The following DEPDC5 variants were observed in gnomAD, a reference collection of about 807,000 sequenced individuals.
DEPDC5 encodes DEP domain containing 5, GATOR1 subcomplex subunit, also known as GATOR1 complex protein DEPDC5.
DEPDC5 carries 73 observed loss-of-function variants against 217.3 expected under a neutral mutation model. The ratio of observed to expected loss-of-function variants is 0.34; its 90% CI spans 0.28 to 0.41. The LOEUF is 0.41. Ranked by LOEUF, DEPDC5 falls within the 10% of genes least tolerant of loss-of-function variation. The pLI, the probability that DEPDC5 is intolerant of heterozygous loss-of-function variation, is 1.00. For synonymous variants in DEPDC5, 733 were observed against 756.7 expected, an observed-to-expected ratio of 0.97 and a Z score of 0.51; for missense variants, 1,675 against 2,070.1, an observed-to-expected ratio of 0.81 and a Z score of 3.70.
intron 38 of DEPDC5, among the ~76,000 whole-genome samples, chr22:31,886,525 C>T (rs888382398): frequency 2.6e-5 from 4 of 151,594 alleles, no homozygotes; most frequent in Admixed American, 6.6e-5. Context: ...TTTGGAAGGC[C>T]GAAGCAGGCA....
At chr22:31,810,829 G>A (rs2088213432) in intron 20 of DEPDC5, among the ~76,000 whole-genome samples, 188 bp downstream of exon 20, 2 of 152,192 alleles carry the variant, frequency 1.3e-5, no homozygotes, top group Admixed American at 6.5e-5. Context: ...AGGCTTGAGT[G>A]CAATGGTGTG....
At chr22:31,806,571 A>C (rs2087565891) in intron 18 of DEPDC5, among the ~76,000 whole-genome samples, 1 of 152,232 alleles carries the variant, frequency 6.6e-6, no homozygotes, top group South Asian at 2.1e-4. Flanking sequence ...TTGTTTGTTT[A>C]AGAGTTCGTT....
At chr22:31,808,979 G>A (rs905979014) in intron 18 of DEPDC5, among the ~76,000 whole-genome samples, 12 of 151,684 alleles carry the variant, frequency 7.9e-5, no homozygotes, top group African/African-American at 2.4e-4. Flanking sequence ...TGTTGCTCAG[G>A]CTAGTCTCAA....
intron 10 of DEPDC5, 33 bp downstream of exon 10, chr22:31,784,908 T>C: frequency 6.3e-7 from 1 of 1,580,646 alleles, no homozygotes; most frequent in East Asian, 2.3e-5. Flanking sequence ...AGTCTCATTA[T>C]GTAAACATTA....
chr22:31,895,859 A>G (rs1007736564), intron 39 of DEPDC5, among the ~76,000 whole-genome samples: 2 of 151,948 alleles, frequency 1.3e-5, no homozygotes, highest in Admixed American at 6.6e-5. Flanking sequence ...TTAAGGTCCA[A>G]ATAAAAAAAG....
chr22:31,797,329 G>A (rs933940458), intron 12 of DEPDC5, among the ~76,000 whole-genome samples: 1 of 152,154 alleles, frequency 6.6e-6, no homozygotes, highest in Non-Finnish European at 1.5e-5. Flanking sequence ...GGTGGAAGGC[G>A]AAGGGGAAGC....
chr22:31,780,022 T>C (rs2084267821), intron 8 of DEPDC5, among the ~76,000 whole-genome samples: 1 of 152,192 alleles, frequency 6.6e-6, no homozygotes, highest in African/African-American at 2.4e-5. Context: ...GTCTTTCAGT[T>C]GGGTCTCTTG....
In DEPDC5 at chr22:31,819,177, A is replaced by T; in HGVS notation, c.1822A>T (p.Met608Leu). 2 of 1,614,166 alleles carry T rather than the reference A, an allele frequency of 1.2e-6. No homozygotes were observed. The highest frequency in any genetic ancestry group is 1.7e-6 in the Non-Finnish European group (2 of 1,180,016). The change falls in exon 22 of 43, where the codon ATG becomes TTG. Residue 608 changes from methionine (M) to leucine (L), a missense_variant. Coordinates refer to ENST00000651528, the MANE Select transcript of DEPDC5 (RefSeq NM_001242896.3). ...CCCCTTCGCTCCCTCTCGGATGCCC[A>T]TGAAGCTTACGTCCAACAGAAGGCG... ...INPFAPSRMPMKLTSNRRRWM... is the reference protein window; with the variant it reads ...INPFAPSRMPLKLTSNRRRWM...
intron 33 of DEPDC5, among the ~76,000 whole-genome samples, chr22:31,868,177 A>G (rs1286672498): frequency 6.6e-6 from 1 of 152,134 alleles, no homozygotes; most frequent in Non-Finnish European, 1.5e-5. Context: ...CTGCTATAGA[A>G]CAGCAAAATG....
Position 31,845,009 on chromosome 22 carries a change from C to T in DEPDC5, c.2802-9C>T, listed in dbSNP as rs1330857889. 3.7e-6 allele frequency: 6 copies of T among 1,613,880 alleles called. No individual in the cohort carries two copies. The highest frequency in any genetic ancestry group is 3.3e-5 in the South Asian group (3 of 91,074). On this transcript the variant is annotated splice_polypyrimidine_tract_variant and intron_variant, in intron 29 of 42. Coordinates refer to ENST00000651528, the MANE Select transcript of DEPDC5 (RefSeq NM_001242896.3). ...TCACCACCACCCTGTGTTTTCCTTG[C>T]CCCCTTAGCTTAATTGAGTCCCTGA...
chr22:31,848,442 T>C (rs2091861872), intron 31 of DEPDC5, among the ~76,000 whole-genome samples: 1 of 152,210 alleles, frequency 6.6e-6, no homozygotes, highest in African/African-American at 2.4e-5. Flanking sequence ...GACTTCTGTG[T>C]ACCTGCAGGC....
chr22:31,772,504 A>G (rs922383206), intron 7 of DEPDC5, among the ~76,000 whole-genome samples: 2 of 152,066 alleles, frequency 1.3e-5, no homozygotes, highest in Admixed American at 6.6e-5. Flanking sequence ...TGCAAAATGG[A>G]GTAGTTGGTT....
At chr22:31,843,049 G>C in intron 27 of DEPDC5, 46 bp from the exon 28 acceptor site, 1 of 1,422,426 alleles carries the variant, frequency 7.0e-7, no homozygotes, top group South Asian at 1.2e-5. Context: ...GTCTGTTATA[G>C]GAATGAGCTT....
chr22:31,853,866 G>A (rs555949722), intron 31 of DEPDC5, among the ~76,000 whole-genome samples: 1 of 152,318 alleles, frequency 6.6e-6, no homozygotes, highest in African/African-American at 2.4e-5. Flanking sequence ...TTCTGTCCAA[G>A]GTGGCTCTAG....
At chr22:31,849,794 A>G (rs1256489706) in intron 31 of DEPDC5, among the ~76,000 whole-genome samples, 2 of 151,878 alleles carry the variant, frequency 1.3e-5, no homozygotes, top group Non-Finnish European at 1.5e-5. Context: ...AAAAAAAATA[A>G]GTAAATAAAA....
At chr22:31,822,577 C>A in intron 23 of DEPDC5, 116 bp from the exon 24 acceptor site, 1 of 946,888 alleles carries the variant, frequency 1.1e-6, no homozygotes, top group South Asian at 1.5e-5. Flanking sequence ...CTTGAGTTGG[C>A]TGAATATTCA....
Position 31,802,906 on chromosome 22 carries a change from C to T in DEPDC5, c.1081+68C>T. ...CCTGATTTCCCCTTAGAACTGTGAG[C>T]TTCACTGACTTCTTAGAGTGTGAGG... On this transcript the variant is annotated intron_variant, in intron 15 of 42. Transcript: ENST00000651528. 4 of 1,468,724 alleles carry T rather than the reference C, an allele frequency of 2.7e-6. No homozygotes were observed. The South Asian group carries it at 4.5e-5, about 17-fold the overall frequency. The allele number at this position is 1,468,724 out of a possible 1,614,324, so 91.0% of individuals were successfully genotyped here.
chr22:31,815,413 C>CA, intron 21 of DEPDC5: 2 of 648,034 alleles, frequency 3.1e-6, no homozygotes, highest in Non-Finnish European at 5.3e-6. Flanking sequence ...TTTTTGGTGA[C>CA]AGAGCACCTA....
At chr22:31,804,399 C>G (rs1466337610) in intron 16 of DEPDC5, among the ~76,000 whole-genome samples, 176 bp downstream of exon 16, 1 of 152,160 alleles carries the variant, frequency 6.6e-6, no homozygotes, top group Non-Finnish European at 1.5e-5. Flanking sequence ...CTATGAATAA[C>G]CACTGCACTC....
Sources: allele counts gnomAD v4.1 joint callset (sites outside exome capture counted in the v4.1 genomes callset), GRCh38; gene constraint gnomAD v4.1.1; transcripts MANE v1.5; gene names NCBI Gene and HGNC (gene_info 2026-07-23, HGNC 2026-07-21).